Variants in NBAS observed in about 807,000 individuals in gnomAD.
The protein encoded by NBAS is NBAS subunit of NRZ tethering complex, also known as NAG/BC035112 fusion.
In NBAS, 219 loss-of-function variants were observed where a neutral mutation model predicts 302.5. The ratio of observed to expected loss-of-function variants is 0.72; its 90% CI spans 0.65 to 0.81. NBAS has a LOEUF of 0.81. Among genes scored for constraint, NBAS ranks in the 30% least tolerant of loss-of-function variants. NBAS has a pLI of 0.00. For synonymous variants in NBAS, 1,118 were observed against 1,021.6 expected (o/e 1.09, Z -1.80); for missense variants, 2,932 against 2,841.6 (o/e 1.03, Z -0.72).
intron 44 of NBAS, among the ~76,000 whole-genome samples, chr2:15,267,193 A>T (rs1216873325): frequency 6.6e-6 from 1 of 152,262 alleles, no homozygotes; most frequent in Non-Finnish European, 1.5e-5. Context: ...GCATGCATGC[A>T]TGCACACATA....
intron 29 of NBAS, among the ~76,000 whole-genome samples, chr2:15,382,101 GAAATAT>G (rs1675065058): frequency 1.1e-5 from 1 of 89,460 alleles, no homozygotes; most frequent in Non-Finnish European, 2.7e-5. Flanking sequence ...CACACAAACG[GAAATAT>G]ATATATATTG....
chr2:14,831,821 T>C, the NBAS span, among the ~76,000 whole-genome samples: 3 of 152,152 alleles, frequency 2.0e-5, no homozygotes, highest in African/African-American at 4.8e-5. Flanking sequence ...TTAAAAGAAG[T>C]GTAAGTGAAA....
chr2:15,256,624 G>A (rs981071795), intron 44 of NBAS, among the ~76,000 whole-genome samples: 6 of 152,082 alleles, frequency 3.9e-5, no homozygotes, highest in African/African-American at 1.4e-4. Context: ...GGGCATCCTT[G>A]TCTTATTCCA....
At chr2:14,974,651 C>G in the NBAS span, among the ~76,000 whole-genome samples, 4 of 151,262 alleles carry the variant, frequency 2.6e-5, no homozygotes, top group Non-Finnish European at 5.9e-5. Flanking sequence ...GCCTAAGGGC[C>G]CATTCTATGC....
the NBAS span, among the ~76,000 whole-genome samples, chr2:15,098,299 A>ATATATCATATATGATATATCG: frequency 0.14 from 49 of 340 alleles, 8 homozygotes; most frequent in East Asian, 0.25. Flanking sequence ...ATTATATACA[A>ATATATCATATATGATATATCG]TATATAATAT....
intron 47 of NBAS, among the ~76,000 whole-genome samples, chr2:15,223,585 C>A (rs1025787443): frequency 6.6e-6 from 1 of 152,006 alleles, no homozygotes; most frequent in East Asian, 1.9e-4. Context: ...ATGAAATACA[C>A]TTTGGGAGGC....
At chr2:15,214,299 G>C (rs1440472515) in intron 48 of NBAS, among the ~76,000 whole-genome samples, 1 of 151,894 alleles carries the variant, frequency 6.6e-6, no homozygotes, top group African/African-American at 2.4e-5. Flanking sequence ...ATAATAAATA[G>C]ACAAACATAA....
chr2:15,291,932 A>T (rs1300166860), intron 41 of NBAS, among the ~76,000 whole-genome samples: 1 of 151,552 alleles, frequency 6.6e-6, no homozygotes, highest in Admixed American at 6.6e-5. Context: ...AGGAAACTTT[A>T]AAAAAAAATA....
chr2:15,106,445 GTCTCTGTCTC>G, the NBAS span, among the ~76,000 whole-genome samples: 2 of 70,600 alleles, frequency 2.8e-5, no homozygotes, highest in East Asian at 8.7e-4. Context: ...CTCTATCTCT[GTCTCTGTCTC>G]TCTCTCTCTC....
At chr2:15,387,905 G>A (rs1675390633) in intron 28 of NBAS, among the ~76,000 whole-genome samples, 1 of 152,172 alleles carries the variant, frequency 6.6e-6, no homozygotes, top group Non-Finnish European at 1.5e-5. Flanking sequence ...AAAGTGCTGG[G>A]ATTACAGGCA....
At chr2:14,879,612 T>C in the NBAS span, among the ~76,000 whole-genome samples, 1 of 152,216 alleles carries the variant, frequency 6.6e-6, no homozygotes, top group Non-Finnish European at 1.5e-5. Context: ...ACTTCATTTC[T>C]CAGTTCTTAC....
chr2:15,316,960 A>G (rs1287254115), intron 38 of NBAS, among the ~76,000 whole-genome samples: 6 of 152,120 alleles, frequency 3.9e-5, no homozygotes, highest in African/African-American at 9.7e-5. Flanking sequence ...TAACTGGGAG[A>G]CGCTTCCCAG....
At chr2:15,243,763 C>G (rs571034768) in intron 44 of NBAS, among the ~76,000 whole-genome samples, 33 of 152,090 alleles carry the variant, frequency 2.2e-4, no homozygotes, top group African/African-American at 7.7e-4. Flanking sequence ...CTGTCCAGAT[C>G]GGAAGCAGGA....
At chr2:15,040,933 T>C in the NBAS span, among the ~76,000 whole-genome samples, 1 of 152,238 alleles carries the variant, frequency 6.6e-6, no homozygotes, top group African/African-American at 2.4e-5. Context: ...CTTTCATCAG[T>C]TTGTTTGCAT....
At chr2:15,424,164 A>G (rs1239366427) in intron 23 of NBAS, 151 bp downstream of exon 23, 2 of 1,006,322 alleles carry the variant, frequency 2.0e-6, no homozygotes, top group Non-Finnish European at 3.0e-6. Context: ...TCTAATGCAC[A>G]GGATAACAAA....
At chr2:14,879,176 G>C in the NBAS span, among the ~76,000 whole-genome samples, 1 of 152,078 alleles carries the variant, frequency 6.6e-6, no homozygotes, top group Non-Finnish European at 1.5e-5. Flanking sequence ...CCATTGGCTG[G>C]ATATACCATA....
chr2:15,223,918 T>C (rs561133987), intron 47 of NBAS, among the ~76,000 whole-genome samples: 1 of 152,340 alleles, frequency 6.6e-6, no homozygotes, highest in East Asian at 1.9e-4. Context: ...CTTCCACCTT[T>C]TTCCCTATAA....
At chr2:14,960,648 A>G in the NBAS span, among the ~76,000 whole-genome samples, 4 of 152,204 alleles carry the variant, frequency 2.6e-5, no homozygotes, top group South Asian at 8.3e-4. Context: ...ATGTTGAATA[A>G]ATAAAACATT....
chr2:15,500,084 T>C (rs1661437610), intron 11 of NBAS, among the ~76,000 whole-genome samples: 1 of 152,218 alleles, frequency 6.6e-6, no homozygotes, highest in African/African-American at 2.4e-5. Context: ...ACTTCCTAAC[T>C]AACTGTCCTT....
Sources: gnomAD v4.1 joint callset for allele counts (sites outside exome capture counted in the v4.1 genomes callset) on GRCh38, gnomAD v4.1.1 for gene constraint, MANE v1.5 for transcripts, NCBI Gene and HGNC (gene_info 2026-07-23, HGNC 2026-07-21) for gene names.